Variants in HHAT observed in about 807,000 individuals in gnomAD.
HHAT encodes hedgehog acyltransferase.
Under a neutral mutation model 70.8 loss-of-function variants are expected in HHAT, and 47 were observed. That is an observed-to-expected ratio of 0.66 (90% CI 0.53 to 0.85). The LOEUF (loss-of-function observed/expected upper bound fraction) is 0.85. Ranked by LOEUF, HHAT falls within the 40% of genes least tolerant of loss-of-function variation. HHAT has a pLI of 0.00. For missense variants in HHAT, 609 were observed against 604.8 expected (o/e 1.01, Z -0.07); for synonymous variants, 228 against 247.6 (o/e 0.92, Z 0.74).
chr1:210,471,754 A>T (rs1176555940), intron 8 of HHAT, among the ~76,000 whole-genome samples: 2 of 152,248 alleles, frequency 1.3e-5, no homozygotes, highest in South Asian at 4.1e-4. Context: ...TTAAAATAAC[A>T]TTAAGCCCAT....
chr1:210,412,510 G>A (rs10159279), intron 6 of HHAT, among the ~76,000 whole-genome samples: 41,420 of 152,106 alleles, frequency 0.27, 5,935 homozygotes, highest in Middle Eastern at 0.38. Context: ...GGTGAGACGG[G>A]CATAGGATGG....
intron 1 of HHAT, among the ~76,000 whole-genome samples, chr1:210,335,896 T>C (rs2085441219): frequency 6.7e-6 from 1 of 148,594 alleles, no homozygotes; most frequent in African/African-American, 2.5e-5. Context: ...CACTAATTGG[T>C]ACAGTGATAA....
intron 7 of HHAT, among the ~76,000 whole-genome samples, chr1:210,442,310 T>C (rs972490688): frequency 1.5e-5 from 2 of 136,206 alleles, no homozygotes; most frequent in African/African-American, 5.5e-5. Flanking sequence ...GCAGTAAACA[T>C]ACGTGTGCAT....
At chr1:210,645,272 T>A (rs1484849961) in intron 11 of HHAT, among the ~76,000 whole-genome samples, 1 of 152,112 alleles carries the variant, frequency 6.6e-6, no homozygotes, top group South Asian at 2.1e-4. Context: ...GAAATCCACT[T>A]TATTTAGGTA....
chr1:210,345,007 A>G (rs912621781), intron 1 of HHAT, among the ~76,000 whole-genome samples: 1 of 152,114 alleles, frequency 6.6e-6, no homozygotes, highest in African/African-American at 2.4e-5. Context: ...GGAAATTTGA[A>G]GTGGTTCCAT....
At chr1:210,541,792 G>A (rs2095433527) in intron 9 of HHAT, among the ~76,000 whole-genome samples, 1 of 152,194 alleles carries the variant, frequency 6.6e-6, no homozygotes, top group African/African-American at 2.4e-5. Context: ...GAACTTCAGA[G>A]GTTTAGGTGG....
In HHAT at chr1:210,386,236, T is replaced by TTTTC. The variant is rs1222299554; in HGVS notation, c.160-1229_160-1228insCTTT. The stretch of plus-strand genomic sequence containing the variant: ...GGAGTCCTTTTCTTTTTTTCTTTTT[T>TTTTC]TTTTTTTTTTTTTTTTTTTTGAGAC... On this transcript the variant is annotated intron_variant, in intron 3 of 11. Coordinates refer to ENST00000261458, the MANE Select transcript of HHAT (RefSeq NM_018194.6). Among the ~76,000 whole-genome samples, 196 of 75,508 alleles carry TTTTC rather than the reference T, an allele frequency of 2.6e-3. 15 individuals carry two copies. The South Asian group carries it at 0.063, about 24-fold the overall frequency. 49.5% of individuals were successfully genotyped at this position (75,508 alleles called of 152,430 possible).
intron 6 of HHAT, among the ~76,000 whole-genome samples, chr1:210,417,666 C>A (rs962878477): frequency 2.0e-5 from 3 of 152,228 alleles, no homozygotes; most frequent in Non-Finnish European, 4.4e-5. Flanking sequence ...GCCCACACAT[C>A]ATTTTCCCTT....
At chr1:210,526,163 G>T (rs1484175134) in intron 9 of HHAT, among the ~76,000 whole-genome samples, 4 of 152,124 alleles carry the variant, frequency 2.6e-5, no homozygotes, top group African/African-American at 9.7e-5. Flanking sequence ...AGGTTCTGGG[G>T]TGGAGTCCTA....
At chr1:210,601,970 A>AGAGTGT (rs1553294014) in intron 10 of HHAT, among the ~76,000 whole-genome samples, 19 of 149,366 alleles carry the variant, frequency 1.3e-4, no homozygotes, top group Admixed American at 5.3e-4. Flanking sequence ...TGTGTGTGAG[A>AGAGTGT]GTGTGTGTGT....
At chr1:210,537,999 A>T (rs981250238) in intron 9 of HHAT, among the ~76,000 whole-genome samples, 1 of 152,080 alleles carries the variant, frequency 6.6e-6, no homozygotes, top group African/African-American at 2.4e-5. Flanking sequence ...TCTTCTTGCT[A>T]ATTAGAAATA....
intron 9 of HHAT, among the ~76,000 whole-genome samples, chr1:210,530,220 G>A (rs1357824956): frequency 6.6e-6 from 1 of 151,998 alleles, no homozygotes; most frequent in African/African-American, 2.4e-5. Flanking sequence ...TTTGTCCAGA[G>A]CACCAAGAAA....
At chr1:210,418,387 T>C in intron 7 of HHAT, 62 bp downstream of exon 7, 1 of 1,434,286 alleles carries the variant, frequency 7.0e-7, no homozygotes, top group Non-Finnish European at 9.3e-7. Context: ...AGCATCAGAA[T>C]GGAGCTGGAG....
chr1:210,342,161 T>A (rs1181034703), intron 1 of HHAT, among the ~76,000 whole-genome samples: 1 of 152,138 alleles, frequency 6.6e-6, no homozygotes, highest in African/African-American at 2.4e-5. Context: ...CTCTCTCCAC[T>A]TTCACTAAGG....
chr1:210,460,272 G>A (rs2093952227), intron 7 of HHAT, among the ~76,000 whole-genome samples: 1 of 152,148 alleles, frequency 6.6e-6, no homozygotes. Context: ...AAGACCATAT[G>A]GGATGAAAGA....
chr1:210,342,821 G>T (rs548130296), intron 1 of HHAT, among the ~76,000 whole-genome samples: 12 of 152,246 alleles, frequency 7.9e-5, no homozygotes, highest in Non-Finnish European at 1.3e-4. Flanking sequence ...TTTTAAAAAG[G>T]TTCCAGTTAT....
At chr1:210,646,064 C>T (rs1187603528) in intron 11 of HHAT, among the ~76,000 whole-genome samples, 1 of 152,204 alleles carries the variant, frequency 6.6e-6, no homozygotes, top group African/African-American at 2.4e-5. Flanking sequence ...CCCCGTGCTT[C>T]AGCAAGTTTT....
chr1:210,615,755 A>G (rs1053674506), intron 10 of HHAT, among the ~76,000 whole-genome samples: 2 of 152,240 alleles, frequency 1.3e-5, no homozygotes, highest in African/African-American at 2.4e-5. Context: ...AGCAGCGAAT[A>G]TTGCTGAACA....
rs1476155653 is a variant in HHAT, at chr1:210,671,498, G to A, written c.1391-2790G>A. ...CACCTCAGAATGTGACTTCATTTGG[G>A]AATAGGTTCTTTATGGATATAACTT... is the stretch of plus-strand genomic sequence containing the variant. On this transcript the variant is annotated intron_variant, in intron 11 of 11. Coordinates refer to ENST00000261458, the MANE Select transcript of HHAT (RefSeq NM_018194.6). 1.6e-4 allele frequency among the ~76,000 whole-genome samples: 24 copies of A among 152,328 alleles called. No homozygotes were observed. The South Asian group carries it at 2.3e-3, about 14-fold the overall frequency.
Sources: allele counts gnomAD v4.1 joint callset (sites outside exome capture counted in the v4.1 genomes callset), GRCh38; gene constraint gnomAD v4.1.1; transcripts MANE v1.5; gene names NCBI Gene and HGNC (gene_info 2026-07-23, HGNC 2026-07-21).